Variants in EPB41L4A observed in about 807,000 individuals in gnomAD.
EPB41L4A encodes the protein erythrocyte membrane protein band 4.1 like 4A, also known as band 4.1-like protein 4A.
EPB41L4A carries 100 observed loss-of-function variants against 108.6 expected under a neutral mutation model. That is an observed-to-expected ratio of 0.92 (90% CI 0.78 to 1.09). EPB41L4A has a LOEUF of 1.09. EPB41L4A is among the 50% of genes least tolerant of loss of function. EPB41L4A has a pLI of 0.00. For missense variants in EPB41L4A, 1,030 were observed against 842.7 expected (o/e 1.22, Z -2.75); for synonymous variants, 319 against 289.0 (o/e 1.10, Z -1.05).
chr5:112,183,103 T>C (rs1346123241), intron 18 of EPB41L4A, among the ~76,000 whole-genome samples: 1 of 152,150 alleles, frequency 6.6e-6, no homozygotes, highest in African/African-American at 2.4e-5. Context: ...AGTCCTGGTG[T>C]GAACCCCCCG....
intron 3 of EPB41L4A, among the ~76,000 whole-genome samples, chr5:112,275,678 C>A (rs1752583382): frequency 6.6e-6 from 1 of 151,850 alleles, no homozygotes; most frequent in Non-Finnish European, 1.5e-5. Flanking sequence ...ATGTTTTTCC[C>A]ATTTTCTATA....
intron 2 of EPB41L4A, among the ~76,000 whole-genome samples, chr5:112,292,698 C>T (rs1315169556): frequency 6.6e-5 from 10 of 152,022 alleles, no homozygotes; most frequent in Admixed American, 5.2e-4. Flanking sequence ...TGACACATCA[C>T]GATTAAACTG....
intron 1 of EPB41L4A, chr5:112,363,666 C>T (rs891050403): frequency 1.3e-5 from 2 of 152,330 alleles, no homozygotes; most frequent in African/African-American, 4.8e-5. Flanking sequence ...GTCTCAGCCA[C>T]CTCACCAGTT....
chr5:112,163,500 CATG>C lies in EPB41L4A; in HGVS notation c.*1487_*1489del, dbSNP rs1433500995. The C allele has an allele frequency of 1.2e-4, 18 of 152,240 alleles. No individual in the cohort carries two copies. Among genetic ancestry groups the C allele is most frequent in the Admixed American group, 4.6e-4 (7 of 15,270 alleles). The allele number at this position is 152,240 out of a possible 1,614,324, so 9.4% of individuals were successfully genotyped here. A position where few individuals can be genotyped will look rare whatever the true frequency, so the allele number is the denominator to read the frequency against. ...TCCACTAATTAATGGCAAGGTAAAG[CATG>C]ATAAGCCAGAAAGGATGGTCAGTGG... On this transcript the variant is annotated 3_prime_UTR_variant, in exon 23 of 23. Coordinates refer to ENST00000261486, the MANE Select transcript of EPB41L4A (RefSeq NM_022140.5).
intron 2 of EPB41L4A, among the ~76,000 whole-genome samples, chr5:112,288,062 A>T (rs1283473703): frequency 6.6e-6 from 1 of 152,238 alleles, no homozygotes; most frequent in Non-Finnish European, 1.5e-5. Flanking sequence ...TTCTGGGCAA[A>T]GAATGAATCC....
At chr5:112,221,863 A>G (rs1383812641) in intron 12 of EPB41L4A, among the ~76,000 whole-genome samples, 1 of 152,228 alleles carries the variant, frequency 6.6e-6, no homozygotes, top group East Asian at 1.9e-4. Context: ...CACTCCCAAG[A>G]AGACTGAAAA....
intron 1 of EPB41L4A, among the ~76,000 whole-genome samples, chr5:112,363,068 G>C (rs1758880314): frequency 6.6e-6 from 1 of 151,952 alleles, no homozygotes; most frequent in Non-Finnish European, 1.5e-5. Flanking sequence ...ATTTCCATTA[G>C]CCACTTTCAA....
chr5:112,180,410 C>T (rs1236049207), intron 18 of EPB41L4A, among the ~76,000 whole-genome samples: 1 of 151,962 alleles, frequency 6.6e-6, no homozygotes, highest in East Asian at 1.9e-4. Flanking sequence ...AAAATTGGCC[C>T]ACATGTGAGC....
intron 1 of EPB41L4A, among the ~76,000 whole-genome samples, chr5:112,384,804 G>A (rs562523271): frequency 1.8e-4 from 27 of 151,356 alleles, no homozygotes; most frequent in Admixed American, 1.4e-3. Context: ...AAGGAAGGAA[G>A]TTAAAAGAAA....
intron 1 of EPB41L4A, among the ~76,000 whole-genome samples, chr5:112,317,253 G>C (rs1755487580): frequency 6.6e-6 from 1 of 152,112 alleles, no homozygotes; most frequent in Non-Finnish European, 1.5e-5. Flanking sequence ...GCAAAAGAAA[G>C]AATGACAGTA....
chr5:112,179,401 T>G (rs1761034175), intron 18 of EPB41L4A, among the ~76,000 whole-genome samples: 1 of 152,032 alleles, frequency 6.6e-6, no homozygotes, highest in African/African-American at 2.4e-5. Context: ...ACAGATCAAT[T>G]TTTCACAAAA....
At chr5:112,290,550 A>G (rs1753580492) in intron 2 of EPB41L4A, among the ~76,000 whole-genome samples, 1 of 152,208 alleles carries the variant, frequency 6.6e-6, no homozygotes, top group African/African-American at 2.4e-5. Flanking sequence ...GTGCTGCTTA[A>G]GAAACCTTAG....
At chr5:112,413,667 G>A (rs1201254289) in intron 1 of EPB41L4A, among the ~76,000 whole-genome samples, 1 of 152,214 alleles carries the variant, frequency 6.6e-6, no homozygotes, top group Non-Finnish European at 1.5e-5. Flanking sequence ...AGGCAGAAGT[G>A]AAGGCTGCCT....
intron 17 of EPB41L4A, among the ~76,000 whole-genome samples, chr5:112,184,547 A>G (rs1013049891): frequency 6.6e-6 from 1 of 152,254 alleles, no homozygotes; most frequent in Non-Finnish European, 1.5e-5. Flanking sequence ...ATACTCTTAA[A>G]AAGTCAAGCT....
intron 17 of EPB41L4A, among the ~76,000 whole-genome samples, chr5:112,187,707 G>A (rs1761495411): frequency 6.6e-6 from 1 of 152,010 alleles, no homozygotes; most frequent in East Asian, 1.9e-4. Context: ...GTTTTATTGT[G>A]TCCTCTCCCT....
At position 112,209,891 on chromosome 5, in the gene EPB41L4A, C is replaced by G. The variant is rs1164607398; in HGVS notation, c.1178+1G>C. 5.7e-6 allele frequency: 9 copies of G among 1,583,720 alleles called. No individual in the cohort carries two copies. The highest frequency in any genetic ancestry group is 6.9e-6 in the Non-Finnish European group (8 of 1,156,040). On this transcript the variant is annotated splice_donor_variant, in intron 13 of 22. Transcript: ENST00000261486. LOFTEE classifies it high-confidence loss of function. ...ACGTTTCTTCAGTTAACTTCACTGA[C>G]CTTTTTACTGGTGAAGGTGCAATAA... is the stretch of plus-strand genomic sequence containing the variant.
chr5:112,416,731 T>C (rs1474821554), intron 1 of EPB41L4A, among the ~76,000 whole-genome samples: 1 of 152,216 alleles, frequency 6.6e-6, no homozygotes, highest in Non-Finnish European at 1.5e-5. Context: ...CAATTGTACC[T>C]ATGCACCATA....
intron 1 of EPB41L4A, among the ~76,000 whole-genome samples, chr5:112,368,023 C>A (rs1239260030): frequency 6.6e-6 from 1 of 152,158 alleles, no homozygotes; most frequent in Non-Finnish European, 1.5e-5. Context: ...ATTGTACTGA[C>A]CTTATCAAAA....
At chr5:112,257,909 T>C (rs1013100818) in intron 9 of EPB41L4A, among the ~76,000 whole-genome samples, 2 of 152,224 alleles carry the variant, frequency 1.3e-5, no homozygotes, top group Non-Finnish European at 2.9e-5. Context: ...GCTACTCTAC[T>C]TTTTGCATGA....
Sources: allele counts gnomAD v4.1 joint callset (sites outside exome capture counted in the v4.1 genomes callset), GRCh38; gene constraint gnomAD v4.1.1; transcripts MANE v1.5; gene names NCBI Gene and HGNC (gene_info 2026-07-23, HGNC 2026-07-21).